The following PEX7 variants were observed in gnomAD, a reference collection of about 807,000 sequenced individuals.
The protein encoded by PEX7 is PTS2 receptor.
PEX7 carries 34 observed loss-of-function variants against 47.5 expected under a neutral mutation model. That is an observed-to-expected ratio of 0.72 (90% CI 0.54 to 0.95). The LOEUF is 0.95. Ranked by LOEUF, PEX7 falls within the 40% of genes least tolerant of loss-of-function variation. PEX7 has a pLI of 0.00. For synonymous variants in PEX7, 141 were observed against 148.8 expected (o/e 0.95, Z 0.38); for missense variants, 394 against 400.3 (o/e 0.98, Z 0.13).
intron 8 of PEX7, among the ~76,000 whole-genome samples, chr6:136,872,731 TG>T: frequency 6.6e-6 from 1 of 152,288 alleles, no homozygotes; most frequent in African/African-American, 2.4e-5. Flanking sequence ...AGAGTGTGTG[TG>T]GGTGTGGGTC....
intron 1 of PEX7, chr6:136,823,317 A>G: frequency 1.3e-5 from 13 of 985,448 alleles, no homozygotes; most frequent in Non-Finnish European, 1.4e-5. Flanking sequence ...GGGTGACACC[A>G]TGAAATATAT....
intron 5 of PEX7, among the ~76,000 whole-genome samples, chr6:136,855,400 T>G (rs1207846848): frequency 6.6e-6 from 1 of 151,104 alleles, no homozygotes; most frequent in Non-Finnish European, 1.5e-5. Context: ...AGTACAATGG[T>G]GCAATCTCAG....
At chr6:136,898,312 T>A in intron 9 of PEX7, 71 bp downstream of exon 9, 1 of 929,456 alleles carries the variant, frequency 1.1e-6, no homozygotes, top group Non-Finnish European at 1.8e-6. Flanking sequence ...CATGCATTGC[T>A]TTTATGAATA....
In PEX7 at chr6:136,913,506, T is replaced by C; in HGVS notation, c.952T>C (p.Cys318Arg). The stretch of plus-strand genomic sequence containing the variant: ...AACAATAAAGATCTATGACCCTGCT[T>C]GTCTTACTATTCCTGCTTGAGATAC... Reference protein sequence around the residue: ...DETIKIYDPACLTIPA With the variant: ...DETIKIYDPARLTIPA Residue 318 changes from cysteine to arginine, a missense_variant, in exon 10 of 10, where the codon TGT (cysteine) becomes CGT (arginine). Physicochemically the swap from Cys to Arg is radical, Grantham distance 180 (BLOSUM62 -3). Coordinates refer to ENST00000318471, the MANE Select transcript of PEX7 (RefSeq NM_000288.4). 1 of 1,611,996 alleles carries C rather than the reference T, an allele frequency of 6.2e-7. No individual in the cohort carries two copies. Among genetic ancestry groups the C allele is most frequent in the Non-Finnish European group, 8.5e-7 (1 of 1,178,332 alleles).
chr6:136,898,112 T>G (rs909173454), intron 8 of PEX7, 30 bp from the exon 9 acceptor site: 1 of 1,330,488 alleles, frequency 7.5e-7, no homozygotes, highest in Non-Finnish European at 1.1e-6. Context: ...TTTTAGCATT[T>G]AAATTATTCC....
intron 5 of PEX7, among the ~76,000 whole-genome samples, chr6:136,850,577 T>A (rs185295182): frequency 1.3e-4 from 20 of 152,300 alleles, no homozygotes; most frequent in Admixed American, 1.3e-3. Context: ...TACTTTTCAA[T>A]GATTCCAACT....
At chr6:136,882,736 T>C (rs762608904) in intron 8 of PEX7, among the ~76,000 whole-genome samples, 11 of 152,154 alleles carry the variant, frequency 7.2e-5, no homozygotes, top group Non-Finnish European at 1.6e-4. Context: ...TGACCTGTTC[T>C]CCCCCTATAT....
chr6:136,893,672 C>T (rs898918335), intron 8 of PEX7, among the ~76,000 whole-genome samples: 6 of 152,156 alleles, frequency 3.9e-5, no homozygotes, highest in Non-Finnish European at 8.8e-5. Flanking sequence ...CATTTTTGCT[C>T]CTTGCTCTAA....
At chr6:136,834,185 G>A (rs1322353107) in intron 3 of PEX7, among the ~76,000 whole-genome samples, 1 of 152,090 alleles carries the variant, frequency 6.6e-6, no homozygotes, top group African/African-American at 2.4e-5. Flanking sequence ...AAGGGAAAGG[G>A]ACATTTTTTG....
At chr6:136,898,030 G>T in intron 8 of PEX7, 112 bp from the exon 9 acceptor site, 15 of 691,012 alleles carry the variant, frequency 2.2e-5, no homozygotes, top group Admixed American at 4.2e-5. Context: ...TTTATGAATT[G>T]GCTGAGCCTG....
chr6:136,905,796 T>C (rs1775836228), intron 9 of PEX7, among the ~76,000 whole-genome samples: 1 of 152,208 alleles, frequency 6.6e-6, no homozygotes, highest in Non-Finnish European at 1.5e-5. Flanking sequence ...TACTGTGAGA[T>C]CTGAGTAGAT....
chr6:136,864,145 T>C (rs1271886067), intron 5 of PEX7, among the ~76,000 whole-genome samples: 4 of 152,188 alleles, frequency 2.6e-5, no homozygotes, highest in Admixed American at 1.3e-4. Flanking sequence ...ACAATTACTT[T>C]TATATCTCCA....
chr6:136,849,035 T>A (rs1052069941), intron 5 of PEX7, among the ~76,000 whole-genome samples: 1 of 152,170 alleles, frequency 6.6e-6, no homozygotes, highest in African/African-American at 2.4e-5. Context: ...CAGAGCCTGT[T>A]ATTGGTGTAT....
At chr6:136,831,331 A>G (rs1023936319) in intron 3 of PEX7, among the ~76,000 whole-genome samples, 2 of 152,168 alleles carry the variant, frequency 1.3e-5, no homozygotes, top group Non-Finnish European at 2.9e-5. Context: ...CTCCCTCACT[A>G]TCACAAGAAC....
chr6:136,849,017 CTCAATTTCAGAGCCTGTTATTGGTGT>C (rs1205074910), intron 5 of PEX7, among the ~76,000 whole-genome samples: 2 of 152,130 alleles, frequency 1.3e-5, no homozygotes, highest in Non-Finnish European at 2.9e-5. Context: ...TAATTATTGC[CTCAATTTCAGAGCCTGTTATTGGTGT>C]ATTCAGGGGT....
intron 3 of PEX7, among the ~76,000 whole-genome samples, chr6:136,832,238 T>C (rs1357489621): frequency 6.6e-6 from 1 of 152,278 alleles, no homozygotes; most frequent in Non-Finnish European, 1.5e-5. Flanking sequence ...GTTTAGGGCT[T>C]GCACCCTCAG....
intron 9 of PEX7, among the ~76,000 whole-genome samples, chr6:136,908,734 C>T (rs536575317): frequency 4.6e-5 from 7 of 152,152 alleles, no homozygotes; most frequent in African/African-American, 9.7e-5. Context: ...AACTGCCTCT[C>T]GAAAGATTGA....
At chr6:136,857,650 G>C (rs561879440) in intron 5 of PEX7, among the ~76,000 whole-genome samples, 1 of 150,422 alleles carries the variant, frequency 6.6e-6, no homozygotes, top group East Asian at 2.0e-4. Flanking sequence ...CTTTCCTGCT[G>C]TTAGGAGACT....
intron 2 of PEX7, among the ~76,000 whole-genome samples, chr6:136,825,558 G>A (rs931338806): frequency 6.6e-5 from 10 of 151,926 alleles, no homozygotes; most frequent in African/African-American, 1.2e-4. Context: ...TTTATGCACA[G>A]AGTCTGGCTC....
Sources: gnomAD v4.1 joint callset for allele counts (sites outside exome capture counted in the v4.1 genomes callset) on GRCh38, gnomAD v4.1.1 for gene constraint, MANE v1.5 for transcripts, NCBI Gene and HGNC (gene_info 2026-07-23, HGNC 2026-07-21) for gene names.